The following NAALAD2 variants were observed in gnomAD, a reference collection of about 807,000 sequenced individuals.
NAALAD2 encodes the protein N-acetylated-alpha-linked acidic dipeptidase 2.
Under a neutral mutation model 95.6 loss-of-function variants are expected in NAALAD2, and 89 were observed. The observed-to-expected ratio is 0.93, with a 90% CI of 0.78 to 1.11. The LOEUF is 1.11. Among genes scored for constraint, NAALAD2 ranks in the 50% least tolerant of loss-of-function variants. The pLI is 0.00. For missense variants in NAALAD2, 894 were observed against 872.4 expected, an observed-to-expected ratio of 1.02 and a Z score of -0.31; for synonymous variants, 264 against 294.4, an observed-to-expected ratio of 0.90 and a Z score of 1.06.
chr11:90,144,219 C>G (rs1193574711), intron 2 of NAALAD2, among the ~76,000 whole-genome samples: 1 of 151,988 alleles, frequency 6.6e-6, no homozygotes, highest in African/African-American at 2.4e-5. Flanking sequence ...AGGCATGACT[C>G]AAAGTTTTGT....
chr11:90,178,400 G>A (rs1025962909), intron 16 of NAALAD2, among the ~76,000 whole-genome samples: 8 of 152,078 alleles, frequency 5.3e-5, no homozygotes, highest in South Asian at 2.1e-4. Flanking sequence ...GGCTGGGTGC[G>A]GTGGCTCACG....
rs190032702 is a variant in NAALAD2 at position 90,134,808 on chromosome 11, C to T, written c.50C>T (p.Ala17Val). Residue 17 changes from alanine (A) to valine (V), a missense_variant, in exon 1 of 19, where the codon GCG (alanine) becomes GTG (valine). Transcript: ENST00000534061. ...TACCTTTGGATGTGCTTGGCTGCTG[C>T]GCTGGCATCTTTCCTGATGGGATTT... The part of the protein sequence containing the change: ...RLYLWMCLAA[A>V]LASFLMGFMV... The T allele has an allele frequency of 1.9e-6, 3 of 1,614,154 alleles. No individual in the cohort carries two copies. Among genetic ancestry groups the T allele is most frequent in the East Asian group, 2.2e-5 (1 of 44,862 alleles).
chr11:90,175,868 G>A (rs925259251), intron 14 of NAALAD2, 104 bp from the exon 15 acceptor site: 11 of 590,812 alleles, frequency 1.9e-5, no homozygotes, highest in Middle Eastern at 6.0e-4. Context: ...ATAATTCCTT[G>A]CTATTCTTGG....
rs567282102 is a variant in NAALAD2 at position 90,172,415 on chromosome 11, G to C, written c.1411-1409G>C. On this transcript the variant is annotated intron_variant, in intron 13 of 18. Transcript: ENST00000534061. ...CACCACTGTTACCTTCTACTTGAAG[G>C]CTGATGAGGGCTTGTGTTATCAGTA... is the stretch of plus-strand genomic sequence containing the variant. Among the ~76,000 whole-genome samples, 27 of 152,274 alleles carry C rather than the reference G, an allele frequency of 1.8e-4. No homozygotes were observed. The South Asian group carries it at 4.6e-3, about 26-fold the overall frequency.
intron 6 of NAALAD2, among the ~76,000 whole-genome samples, chr11:90,155,431 TA>T (rs1367962742): frequency 2.6e-4 from 22 of 85,790 alleles, no homozygotes; most frequent in African/African-American, 1.3e-3. Flanking sequence ...ATTATACATG[TA>T]ATATATAATA....
chr11:90,132,784 T>C (rs10830412), upstream of NAALAD2, among the ~76,000 whole-genome samples: 20,483 of 152,166 alleles, frequency 0.13, 1,571 homozygotes, highest in South Asian at 0.22. Flanking sequence ...TGTGTATGCA[T>C]ATAAGGGGGA....
In NAALAD2 at chr11:90,181,685, C is replaced by T. The variant is rs1028874644; in HGVS notation, c.1924C>T (p.Gln642Ter). 1.3e-6 allele frequency: 2 copies of T among 1,585,240 alleles called. No individual in the cohort carries two copies. Among genetic ancestry groups the T allele is most frequent in the African/African-American group, 2.8e-5 (2 of 72,316 alleles). Reference protein sequence around the residue: ...AASDFHKRLIQVDLNNPIAVR... With the variant: ...AASDFHKRLI ...TTCAGATTTTCATAAACGACTTATA[C>T]AAGTTGATCTTAACAAGTAAGTTTC... Residue 642 changes from glutamine to a stop codon, truncating the protein, a stop_gained, in exon 17 of 19, where the codon CAA (glutamine) becomes TAA (stop). Transcript: ENST00000534061. LOFTEE classifies it high-confidence loss of function.
intron 14 of NAALAD2, among the ~76,000 whole-genome samples, chr11:90,175,555 AT>A (rs1437796744): frequency 6.6e-6 from 1 of 152,084 alleles, no homozygotes; most frequent in Non-Finnish European, 1.5e-5. Flanking sequence ...TTAAAAGTAG[AT>A]TTTTTTATGG....
At chr11:90,181,800 C>T in intron 17 of NAALAD2, 99 bp downstream of exon 17, 3 of 753,642 alleles carry the variant, frequency 4.0e-6, no homozygotes, top group Non-Finnish European at 6.5e-6. Context: ...CTCTAAATCA[C>T]TACTATTCAA....
At chr11:90,137,124 C>T (rs971711009) in intron 2 of NAALAD2, among the ~76,000 whole-genome samples, 11 of 152,094 alleles carry the variant, frequency 7.2e-5, no homozygotes, top group Middle Eastern at 3.4e-3. Context: ...ACACATATTG[C>T]ATGATCTAAC....
At chr11:90,136,173 T>G (rs1476157114) in intron 2 of NAALAD2, among the ~76,000 whole-genome samples, 2 of 152,190 alleles carry the variant, frequency 1.3e-5, no homozygotes, top group African/African-American at 4.8e-5. Flanking sequence ...CTCCAGCTTC[T>G]AACCATGAAA....
chr11:90,164,853 A>G (rs776498876), intron 11 of NAALAD2, among the ~76,000 whole-genome samples: 4 of 152,150 alleles, frequency 2.6e-5, no homozygotes, highest in Non-Finnish European at 4.4e-5. Context: ...ACTCAAATGT[A>G]GTAATTTTTG....
intron 6 of NAALAD2, among the ~76,000 whole-genome samples, 199 bp downstream of exon 6, chr11:90,152,683 T>C (rs1197214112): frequency 3.9e-5 from 6 of 152,288 alleles, no homozygotes; most frequent in Admixed American, 3.9e-4. Flanking sequence ...GATGTCGGCA[T>C]GGGGAGTAAA....
intron 18 of NAALAD2, among the ~76,000 whole-genome samples, chr11:90,186,018 CT>C (rs960999355): frequency 8.7e-5 from 13 of 149,296 alleles, no homozygotes; most frequent in Non-Finnish European, 1.2e-4. Flanking sequence ...AACTTGTAAT[CT>C]TTTTTTTTTA....
rs137863708 is a variant in NAALAD2 at position 90,173,186 on chromosome 11, T to TAC, written c.1411-623_1411-622dup. Among the ~76,000 whole-genome samples, 329 of 151,226 alleles carry TAC rather than the reference T, an allele frequency of 2.2e-3. 2 individuals are homozygous for TAC. The highest frequency in any genetic ancestry group is 6.5e-3 in the African/African-American group (270 of 41,272). The stretch of plus-strand genomic sequence containing the variant: ...TGAAAGGAGTAAAAATGTATATATA[T>TAC]ACACACACACACACACGAGCTCTTA... On this transcript the variant is annotated intron_variant, in intron 13 of 18. Coordinates refer to ENST00000534061, the MANE Select transcript of NAALAD2 (RefSeq NM_005467.4).
At chr11:90,158,104 AT>A (rs1280564340) in intron 6 of NAALAD2, 40 bp from the exon 7 acceptor site, 1 of 1,420,012 alleles carries the variant, frequency 7.0e-7, no homozygotes, top group South Asian at 1.2e-5. Flanking sequence ...TCTTGCTCAG[AT>A]TTTTAAATTG....
At chr11:90,140,247 G>A (rs1951572607) in intron 2 of NAALAD2, among the ~76,000 whole-genome samples, 1 of 152,060 alleles carries the variant, frequency 6.6e-6, no homozygotes, top group South Asian at 2.1e-4. Context: ...ATGTATTACA[G>A]TTAATTTTAC....
intron 2 of NAALAD2, among the ~76,000 whole-genome samples, chr11:90,142,145 G>A (rs555204211): frequency 6.6e-6 from 1 of 152,062 alleles, no homozygotes; most frequent in African/African-American, 2.4e-5. Context: ...CGCTTTTTCT[G>A]TATCAATTAA....
intron 12 of NAALAD2, 24 bp downstream of exon 12, chr11:90,169,016 T>G (rs758485880): frequency 1.9e-6 from 3 of 1,569,556 alleles, no homozygotes; most frequent in Middle Eastern, 3.8e-4. Flanking sequence ...CAATTTGAAG[T>G]GAAATTTTCA....
Sources: allele counts gnomAD v4.1 joint callset (sites outside exome capture counted in the v4.1 genomes callset), GRCh38; gene constraint gnomAD v4.1.1; transcripts MANE v1.5; gene names NCBI Gene and HGNC (gene_info 2026-07-23, HGNC 2026-07-21).